DCUN1D1: variants seen among roughly 807,000 people sequenced by gnomAD.
DCUN1D1 encodes DCN1-like protein 1.
Under a neutral mutation model 39.0 loss-of-function variants are expected in DCUN1D1, and 3 were observed. The observed-to-expected ratio is 0.08, with a 90% CI of 0.04 to 0.20. The LOEUF (loss-of-function observed/expected upper bound fraction) is 0.20. Among genes scored for constraint, DCUN1D1 ranks in the 10% least tolerant of loss-of-function variants. The probability of loss-of-function intolerance (pLI) is 1.00; values close to 1 mark genes in which losing one functional copy is unlikely to be tolerated. For synonymous variants in DCUN1D1, 82 were observed against 96.3 expected, an observed-to-expected ratio of 0.85 and a Z score of 0.87; for missense variants, 158 against 302.4, an observed-to-expected ratio of 0.52 and a Z score of 3.54.
At chr3:182,982,385 C>G (rs761667175), upstream of DCUN1D1, among the ~76,000 whole-genome samples, 13 of 152,198 alleles carry the variant, frequency 8.5e-5, no homozygotes, top group Non-Finnish European at 1.5e-4. Context: ...ATCTTGACTT[C>G]CAGTCCCCAA....
At chr3:182,969,879 A>C (rs1335969659) in intron 1 of DCUN1D1, among the ~76,000 whole-genome samples, 1 of 152,214 alleles carries the variant, frequency 6.6e-6, no homozygotes, top group Non-Finnish European at 1.5e-5. Context: ...CCAAAATATA[A>C]CATGCCAAGT....
chr3:182,966,325 A>G (rs921964619), intron 1 of DCUN1D1, among the ~76,000 whole-genome samples: 3 of 152,220 alleles, frequency 2.0e-5, no homozygotes, highest in Non-Finnish European at 2.9e-5. Flanking sequence ...GGAGAAAGCA[A>G]TAAAATAGGA....
At chr3:182,957,005 T>C (rs1727108769) in intron 4 of DCUN1D1, among the ~76,000 whole-genome samples, 1 of 152,324 alleles carries the variant, frequency 6.6e-6, no homozygotes, top group East Asian at 1.9e-4. Context: ...TTAAAATAAT[T>C]GGAATGCTGG....
Position 182,939,051 on chromosome 3 carries a change from G to A in DCUN1D1, c.*6043C>T, listed in dbSNP as rs2108611946. The A allele has an allele frequency of 6.6e-6, 1 of 152,330 alleles. No homozygotes were observed. Among genetic ancestry groups the A allele is most frequent in the Middle Eastern group, 3.4e-3 (1 of 294 alleles). The allele number at this position is 152,330 out of a possible 1,614,324, so 9.4% of individuals were successfully genotyped here. ...ACTACAGAAAATACTACCTCCAAGAGAGTACATGTCTACTAGAGTAACTAA... is the reference window on the plus strand; with the variant it reads ...ACTACAGAAAATACTACCTCCAAGAAAGTACATGTCTACTAGAGTAACTAA... On this transcript the variant is annotated 3_prime_UTR_variant, in exon 7 of 7. Coordinates refer to ENST00000292782, the MANE Select transcript of DCUN1D1 (RefSeq NM_020640.4).
chr3:182,965,055 C>T (rs1283337843), intron 2 of DCUN1D1, among the ~76,000 whole-genome samples: 3 of 152,080 alleles, frequency 2.0e-5, no homozygotes, highest in Admixed American at 6.6e-5. Flanking sequence ...TTCAGAAAAA[C>T]TTTGAAAGAA....
chr3:182,956,355 T>C (rs1727063931), intron 4 of DCUN1D1: 1 of 226,568 alleles, frequency 4.4e-6, no homozygotes, highest in African/African-American at 2.3e-5. Context: ...AAAGCCACAA[T>C]GTCTTAATTT....
chr3:182,952,903 T>C (rs1726830495), intron 4 of DCUN1D1, among the ~76,000 whole-genome samples: 1 of 152,232 alleles, frequency 6.6e-6, no homozygotes, highest in Admixed American at 6.5e-5. Context: ...TTTCACTCCT[T>C]TCAAAGGACC....
At chr3:182,955,094 G>A (rs1419360871) in intron 4 of DCUN1D1, among the ~76,000 whole-genome samples, 4 of 151,292 alleles carry the variant, frequency 2.6e-5, no homozygotes, top group African/African-American at 4.9e-5. Flanking sequence ...AAAATGGAGT[G>A]CAATGGTGCG....
At chr3:182,980,656 G>A, upstream of DCUN1D1, 9 of 911,694 alleles carry the variant, frequency 9.9e-6, no homozygotes, top group Non-Finnish European at 1.2e-5. Flanking sequence ...GAGGCGGAGG[G>A]ACGGAGGCAG....
At chr3:182,960,161 A>G (rs1373709488) in intron 4 of DCUN1D1, among the ~76,000 whole-genome samples, 2 of 152,232 alleles carry the variant, frequency 1.3e-5, no homozygotes, top group African/African-American at 4.8e-5. Flanking sequence ...TGTAAAGTAC[A>G]GTACTTAGCA....
intron 1 of DCUN1D1, among the ~76,000 whole-genome samples, chr3:182,970,266 C>T (rs982547971): frequency 2.0e-4 from 30 of 148,984 alleles, no homozygotes; most frequent in Admixed American, 1.7e-3. Context: ...CTTAACCCCC[C>T]AAAAAAAAGA....
At chr3:182,968,605 C>CTT (rs953091292) in intron 1 of DCUN1D1, among the ~76,000 whole-genome samples, 10 of 145,686 alleles carry the variant, frequency 6.9e-5, no homozygotes, top group African/African-American at 2.5e-4. Context: ...TAAATGTAAA[C>CTT]TTTTTTTTTT....
chr3:182,971,061 T>C (rs891200717), intron 1 of DCUN1D1, among the ~76,000 whole-genome samples: 6 of 152,120 alleles, frequency 3.9e-5, no homozygotes, highest in East Asian at 1.9e-4. Context: ...TATGATTCAC[T>C]AGTGAAGAGT....
intron 2 of DCUN1D1, 82 bp downstream of exon 2, chr3:182,965,455 A>G: frequency 1.2e-6 from 1 of 825,394 alleles, no homozygotes; most frequent in Non-Finnish European, 1.9e-6. Context: ...TTTAAGTTAT[A>G]TATAGTATTT....
At chr3:182,980,313 C>T in intron 1 of DCUN1D1, 174 bp downstream of exon 1, 1 of 379,540 alleles carries the variant, frequency 2.6e-6, no homozygotes, top group Non-Finnish European at 3.6e-6. Flanking sequence ...CGGGAAGGGG[C>T]GAAGGAGGAA....
intron 1 of DCUN1D1, 30 bp from the exon 2 acceptor site, chr3:182,965,783 C>A: frequency 6.8e-7 from 1 of 1,480,904 alleles, no homozygotes; most frequent in South Asian, 1.1e-5. Context: ...AACTGAAACT[C>A]TATGTAAAAT....
intron 1 of DCUN1D1, among the ~76,000 whole-genome samples, chr3:182,971,509 G>T (rs908081193): frequency 6.6e-6 from 1 of 151,254 alleles, no homozygotes; most frequent in Non-Finnish European, 1.5e-5. Flanking sequence ...GGAGATAGAG[G>T]CTGCAGTGAG....
At chr3:182,982,767 A>C (rs73066935), upstream of DCUN1D1, among the ~76,000 whole-genome samples, 17,057 of 151,778 alleles carry the variant, frequency 0.11, 2,258 homozygotes, top group African/African-American at 0.32. Flanking sequence ...CTCAGCCCCC[A>C]CCGAGTAGCT....
chr3:182,982,083 T>C (rs1163358507), upstream of DCUN1D1, among the ~76,000 whole-genome samples: 1 of 152,230 alleles, frequency 6.6e-6, no homozygotes, highest in Non-Finnish European at 1.5e-5. Flanking sequence ...TCTGTTCTAC[T>C]CCATTGAAAT....
Sources: allele counts gnomAD v4.1 joint callset (sites outside exome capture counted in the v4.1 genomes callset), GRCh38; gene constraint gnomAD v4.1.1; transcripts MANE v1.5; gene names NCBI Gene and HGNC (gene_info 2026-07-23, HGNC 2026-07-21).